ADAR: variants seen among roughly 807,000 people sequenced by gnomAD.
The protein encoded by ADAR is adenosine deaminase RNA specific.
Under a neutral mutation model 113.2 loss-of-function variants are expected in ADAR, and 41 were observed. That is an observed-to-expected ratio of 0.36 (90% CI 0.28 to 0.47). The LOEUF is 0.47. Ranked by LOEUF, ADAR falls within the 20% of genes least tolerant of loss-of-function variation. The pLI, the probability that ADAR is intolerant of heterozygous loss-of-function variation, is 1.00. For missense variants in ADAR, 1,242 were observed against 1,540.9 expected (o/e 0.81, Z 3.25); for synonymous variants, 605 against 572.6 (o/e 1.06, Z -0.81).
chr1:154,597,835 C>T lies in ADAR; in HGVS notation c.1927G>A (p.Glu643Lys), dbSNP rs751890667. ...RLLSKEGPAH[E>K]PKFQYCVAVG... ...AGGACACGTAGGACATACTTGGGTT[C>T]ATGGGCAGGGCCTTCTTTGGACAGG... is the stretch of plus-strand genomic sequence containing the variant. Residue 643 changes from glutamate (E) to lysine (K), a missense_variant, in exon 4 of 15, where the codon GAA becomes AAA. By Grantham distance (56) the Glu-to-Lys change is moderately conservative. This residue lies in a region of ADAR where 780 missense variants were observed against 1,057.9 expected (regional missense o/e 0.74). Coordinates refer to ENST00000368474, the MANE Select transcript of ADAR (RefSeq NM_001111.5). 2 of 1,614,128 alleles carry T rather than the reference C, an allele frequency of 1.2e-6. No homozygotes were observed. The highest frequency in any genetic ancestry group is 1.7e-5 in the Admixed American group (1 of 60,018).
Position 154,584,662 on chromosome 1 carries a change from A to G in ADAR, c.*144T>C. 3.8e-6 allele frequency: 3 copies of G among 792,900 alleles called. No individual in the cohort carries two copies. Among genetic ancestry groups the G allele is most frequent in the Non-Finnish European group, 6.3e-6 (3 of 479,906 alleles). The allele number at this position is 792,900 out of a possible 1,614,324, so 49.1% of individuals were successfully genotyped here. On this transcript the variant is annotated 3_prime_UTR_variant, in exon 15 of 15. Coordinates refer to ENST00000368474, the MANE Select transcript of ADAR (RefSeq NM_001111.5). The stretch of plus-strand genomic sequence containing the variant: ...AGAAAGCAGGATAAATGGGAACCCA[A>G]AGTTTTCAGTATCACCAATTATGGC...
chr1:154,615,644 G>A (rs2101689257), intron 1 of ADAR, among the ~76,000 whole-genome samples: 1 of 152,260 alleles, frequency 6.6e-6, no homozygotes, highest in East Asian at 1.9e-4. Flanking sequence ...GAACTCCTGG[G>A]CTCAAGCAAT....
At chr1:154,625,684 C>A (rs1346401320) in intron 1 of ADAR, among the ~76,000 whole-genome samples, 3 of 152,142 alleles carry the variant, frequency 2.0e-5, no homozygotes, top group Non-Finnish European at 4.4e-5. Flanking sequence ...CATGGTGAAA[C>A]CCCATCTCTA....
intron 3 of ADAR, 39 bp downstream of exon 3, chr1:154,598,363 C>G (rs754035077): frequency 1.3e-5 from 21 of 1,605,212 alleles, no homozygotes; most frequent in South Asian, 2.2e-5. Flanking sequence ...CAGACACTGA[C>G]AGGGAACTGA....
intron 1 of ADAR, among the ~76,000 whole-genome samples, chr1:154,603,389 A>G (rs998855055): frequency 1.3e-5 from 2 of 152,126 alleles, no homozygotes; most frequent in African/African-American, 4.8e-5. Context: ...CTCACTCTTC[A>G]GTGTGGTACC....
chr1:154,596,371 G>T (rs1697495203), intron 6 of ADAR, among the ~76,000 whole-genome samples: 1 of 151,916 alleles, frequency 6.6e-6, no homozygotes, highest in Non-Finnish European at 1.5e-5. Flanking sequence ...CTCCCGAGTA[G>T]CTGGGATTAC....
At chr1:154,626,142 C>T (rs1698930094) in intron 1 of ADAR, among the ~76,000 whole-genome samples, 2 of 136,684 alleles carry the variant, frequency 1.5e-5, no homozygotes, top group African/African-American at 5.4e-5. Context: ...TTTTGAGATA[C>T]AGTTTCGCTG....
intron 1 of ADAR, among the ~76,000 whole-genome samples, chr1:154,604,095 A>G (rs972529113): frequency 2.0e-5 from 3 of 152,208 alleles, no homozygotes; most frequent in African/African-American, 7.2e-5. Context: ...GTGGCTGATA[A>G]ACTTTTTCTA....
At chr1:154,587,987 C>A in intron 11 of ADAR, 138 bp downstream of exon 11, 1 of 1,345,066 alleles carries the variant, frequency 7.4e-7, no homozygotes. Flanking sequence ...CTCCCTGACC[C>A]AGGTCTTCCC....
chr1:154,585,902 T>G, intron 12 of ADAR, 37 bp from the exon 13 acceptor site: 5 of 1,555,368 alleles, frequency 3.2e-6, no homozygotes, highest in Non-Finnish European at 3.5e-6. Context: ...TACCTGTGTT[T>G]GCACCAAATG....
intron 10 of ADAR, 139 bp from the exon 11 acceptor site, chr1:154,588,397 A>G (rs1696905130): frequency 6.7e-7 from 1 of 1,484,266 alleles, no homozygotes; most frequent in Non-Finnish European, 9.3e-7. Context: ...ACAGCAGTAC[A>G]TGTGAGTCAT....
At chr1:154,613,939 G>A in intron 1 of ADAR, among the ~76,000 whole-genome samples, 1 of 149,600 alleles carries the variant, frequency 6.7e-6, no homozygotes, top group African/African-American at 2.5e-5. Flanking sequence ...AAATGCCTCA[G>A]GTACCCCCAG....
intron 3 of ADAR, among the ~76,000 whole-genome samples, chr1:154,598,197 A>C (rs1039803485): frequency 6.6e-6 from 1 of 152,118 alleles, no homozygotes; most frequent in African/African-American, 2.4e-5. Context: ...AATTCTGTAA[A>C]TCCAATTATG....
intron 1 of ADAR, among the ~76,000 whole-genome samples, chr1:154,626,203 C>T (rs1698933450): frequency 7.3e-6 from 1 of 136,290 alleles, no homozygotes. Flanking sequence ...CAACCTCCAC[C>T]ACCTGGGTTT....
upstream of ADAR, chr1:154,608,774 C>T (rs947194751): frequency 6.7e-6 from 1 of 150,016 alleles, no homozygotes; most frequent in Non-Finnish European, 1.5e-5. Flanking sequence ...CAGCATGACG[C>T]CCGGTCCTCC....
At chr1:154,588,446 T>C in intron 10 of ADAR, 105 bp downstream of exon 10, 1 of 1,547,916 alleles carries the variant, frequency 6.5e-7, no homozygotes, top group Non-Finnish European at 8.9e-7. Flanking sequence ...CAGTGGAGTG[T>C]GGCTTATTGT....
At chr1:154,625,896 C>T (rs980056811) in intron 1 of ADAR, among the ~76,000 whole-genome samples, 2 of 150,886 alleles carry the variant, frequency 1.3e-5, no homozygotes, top group Non-Finnish European at 2.9e-5. Context: ...CCCAGCTACT[C>T]GGGAGGCTGA....
At chr1:154,616,714 C>T (rs1482259773) in intron 1 of ADAR, among the ~76,000 whole-genome samples, 1 of 152,174 alleles carries the variant, frequency 6.6e-6, no homozygotes, top group Non-Finnish European at 1.5e-5. Context: ...TTGCTTTCAG[C>T]GTGCTCAAAA....
upstream of ADAR, among the ~76,000 whole-genome samples, chr1:154,612,748 T>C (rs886824166): frequency 6.6e-6 from 1 of 152,198 alleles, no homozygotes; most frequent in Non-Finnish European, 1.5e-5. Flanking sequence ...TCGTTGTTTC[T>C]CCTCAATTCT....
Sources: allele counts gnomAD v4.1 joint callset (sites outside exome capture counted in the v4.1 genomes callset), GRCh38; gene constraint gnomAD v4.1.1; regional missense constraint gnomAD v4.1.1; transcripts MANE v1.5; gene names NCBI Gene and HGNC (gene_info 2026-07-23, HGNC 2026-07-21).